The following DIS3L2 variants were observed in gnomAD, a reference collection of about 807,000 sequenced individuals.
DIS3L2 encodes the protein DIS3-like exonuclease 2.
In DIS3L2, 34 loss-of-function variants were observed where a neutral mutation model predicts 97.5. The observed-to-expected ratio is 0.35, with a 90% CI of 0.27 to 0.46. The LOEUF is 0.46. DIS3L2 is among the 20% of genes least tolerant of loss of function. The pLI is 1.00. For synonymous variants in DIS3L2, 435 were observed against 445.2 expected (o/e 0.98, Z 0.29); for missense variants, 1,038 against 1,146.0 (o/e 0.91, Z 1.36).
intron 9 of DIS3L2, among the ~76,000 whole-genome samples, chr2:232,193,269 G>C (rs1412869486): frequency 6.6e-6 from 1 of 152,218 alleles, no homozygotes; most frequent in African/African-American, 2.4e-5. Context: ...TTTAAATGCT[G>C]CTATCACAGG....
intron 14 of DIS3L2, among the ~76,000 whole-genome samples, chr2:232,318,164 G>A (rs1559209960): frequency 6.6e-6 from 1 of 152,254 alleles, no homozygotes; most frequent in Non-Finnish European, 1.5e-5. Flanking sequence ...AGTGGTCGGG[G>A]TGCCCAGGAA....
At chr2:232,038,798 G>A (rs533989154) in intron 5 of DIS3L2, among the ~76,000 whole-genome samples, 272 of 152,248 alleles carry the variant, frequency 1.8e-3, no homozygotes, top group African/African-American at 6.0e-3. Context: ...TGGGACTTGA[G>A]CATTCTTGTT....
chr2:232,270,860 G>GTCTCTCTCTCTCTCTCTCTCTCTCTCTC, intron 13 of DIS3L2, among the ~76,000 whole-genome samples: 1 of 103,872 alleles, frequency 9.6e-6, no homozygotes, highest in Non-Finnish European at 2.0e-5. Context: ...TCTTTTTCTC[G>GTCTCTCTCTCTCTCTCTCTCTCTCTCTC]TCTCTCTCTC....
intron 6 of DIS3L2, among the ~76,000 whole-genome samples, chr2:232,096,670 A>C (rs1697025414): frequency 6.6e-6 from 1 of 151,784 alleles, no homozygotes; most frequent in Non-Finnish European, 1.5e-5. Context: ...CAACCTCACT[A>C]ATTCTTTGTT....
intron 8 of DIS3L2, among the ~76,000 whole-genome samples, chr2:232,138,268 C>T (rs185429923): frequency 5.6e-4 from 85 of 152,072 alleles, no homozygotes; most frequent in African/African-American, 2.0e-3. Context: ...AAAAGGGAGT[C>T]AGGTCTTTGA....
At chr2:232,002,860 A>G (rs1436031529) in intron 1 of DIS3L2, among the ~76,000 whole-genome samples, 1 of 151,948 alleles carries the variant, frequency 6.6e-6, no homozygotes, top group African/African-American at 2.4e-5. Context: ...TGTGTGTGTA[A>G]CTCTTATTTT....
chr2:231,964,831 A>T (rs1289337148), intron 1 of DIS3L2, among the ~76,000 whole-genome samples: 2 of 152,346 alleles, frequency 1.3e-5, no homozygotes, highest in South Asian at 4.1e-4. Flanking sequence ...TGTGGTACGG[A>T]TATTAAGTGC....
chr2:232,009,792 C>G (rs1694146690), intron 1 of DIS3L2, among the ~76,000 whole-genome samples: 1 of 152,132 alleles, frequency 6.6e-6, no homozygotes, highest in African/African-American at 2.4e-5. Flanking sequence ...TTATCAAGGC[C>G]CAGTCTGGCT....
chr2:232,298,219 A>G (rs1694767612), intron 13 of DIS3L2, among the ~76,000 whole-genome samples: 1 of 152,168 alleles, frequency 6.6e-6, no homozygotes, highest in Non-Finnish European at 1.5e-5. Context: ...TCTTTCCAAT[A>G]AATAACACTG....
chr2:232,028,477 A>G (rs899724501), intron 4 of DIS3L2, among the ~76,000 whole-genome samples: 2 of 152,052 alleles, frequency 1.3e-5, no homozygotes, highest in Admixed American at 6.5e-5. Flanking sequence ...CTGAGGTTCA[A>G]CTCAGCCCTG....
In DIS3L2 at chr2:232,333,227, G is replaced by GCCTCCT. The variant is rs1170491432; in HGVS notation, c.2011-589_2011-584dup. ...CTCCTCCTCCTCCTCCTCCGCTGTC[G>GCCTCCT]CCTCCTCCTCCTCCTCCTCCTCCTC... is the stretch of plus-strand genomic sequence containing the variant. On this transcript the variant is annotated intron_variant, in intron 16 of 20. Coordinates refer to ENST00000325385, the MANE Select transcript of DIS3L2 (RefSeq NM_152383.5). Among the ~76,000 whole-genome samples the GCCTCCT allele has an allele frequency of 2.3e-3, 56 of 24,192 alleles. 3 individuals are homozygous for GCCTCCT. Among genetic ancestry groups the GCCTCCT allele is most frequent in the African/African-American group, 9.9e-3 (33 of 3,348 alleles). The allele number at this position is 24,192 out of a possible 152,430, so 15.9% of individuals were successfully genotyped here.
chr2:232,336,160 T>A, intron 20 of DIS3L2: 1 of 1,535,336 alleles, frequency 6.5e-7, no homozygotes, highest in East Asian at 2.5e-5. Context: ...GAGAACCTGA[T>A]GAAAGCTATG....
chr2:232,005,170 ATTTTTT>A (rs55757645), intron 1 of DIS3L2, among the ~76,000 whole-genome samples: 7 of 126,562 alleles, frequency 5.5e-5, no homozygotes, highest in Non-Finnish European at 9.6e-5. Context: ...AAGAATCTTG[ATTTTTT>A]TTTTTTTTTT....
chr2:232,220,143 A>G (rs1169294301), intron 10 of DIS3L2, among the ~76,000 whole-genome samples: 1 of 147,340 alleles, frequency 6.8e-6, no homozygotes, highest in Non-Finnish European at 1.5e-5. Flanking sequence ...AAATAAATAA[A>G]TAAATAAATA....
intron 1 of DIS3L2, among the ~76,000 whole-genome samples, chr2:231,984,198 G>A (rs1299556497): frequency 6.6e-6 from 1 of 151,530 alleles, no homozygotes; most frequent in Non-Finnish European, 1.5e-5. Flanking sequence ...TAAGTTAATA[G>A]GAATGCCTCT....
chr2:232,341,713 T>C (rs1454540112), downstream of DIS3L2, among the ~76,000 whole-genome samples: 1 of 152,170 alleles, frequency 6.6e-6, no homozygotes, highest in Admixed American at 6.5e-5. Flanking sequence ...TTCCGCCTCT[T>C]CAATCTTGAC....
At chr2:232,200,429 A>G (rs1377154249) in intron 9 of DIS3L2, among the ~76,000 whole-genome samples, 3 of 152,218 alleles carry the variant, frequency 2.0e-5, no homozygotes, top group African/African-American at 4.8e-5. Flanking sequence ...GAAGTCGGTA[A>G]TTATAAACCT....
In DIS3L2 at chr2:232,319,727, T is replaced by C. The variant is rs368783617; in HGVS notation, c.1740-10086T>C. ...GTACCAGGAGAGCTTTCTTAATGCA[T>C]CTGAAAATCCTGGATAAACAGGGCT... On this transcript the variant is annotated intron_variant, in intron 14 of 20. Transcript: ENST00000325385. Among the ~76,000 whole-genome samples the C allele has an allele frequency of 3.9e-5, 6 of 152,270 alleles. No homozygotes were observed. In the South Asian group the frequency reaches 1.2e-3, roughly 32 times the overall value.
intron 6 of DIS3L2, among the ~76,000 whole-genome samples, chr2:232,108,991 T>C (rs1697440891): frequency 1.3e-5 from 2 of 152,220 alleles, no homozygotes; most frequent in Admixed American, 6.5e-5. Flanking sequence ...CCCAAAACAA[T>C]TTTTAGATTA....
Sources: allele counts gnomAD v4.1 joint callset (sites outside exome capture counted in the v4.1 genomes callset), GRCh38; gene constraint gnomAD v4.1.1; transcripts MANE v1.5; gene names NCBI Gene and HGNC (gene_info 2026-07-23, HGNC 2026-07-21).